CCBE1: variants seen among roughly 807,000 people sequenced by gnomAD.
The protein encoded by CCBE1 is collagen and calcium-binding EGF domain-containing protein 1.
CCBE1 carries 37 observed loss-of-function variants against 50.0 expected under a neutral mutation model. The observed-to-expected ratio is 0.74, with a 90% CI of 0.57 to 0.97. The LOEUF (loss-of-function observed/expected upper bound fraction) is 0.97. CCBE1 is among the 50% of genes least tolerant of loss of function. The pLI, the probability that CCBE1 is intolerant of heterozygous loss-of-function variation, is 0.00. For synonymous variants in CCBE1, 234 were observed against 203.7 expected, an observed-to-expected ratio of 1.15 and a Z score of -1.27; for missense variants, 538 against 523.8, an observed-to-expected ratio of 1.03 and a Z score of -0.26.
intron 7 of CCBE1, among the ~76,000 whole-genome samples, chr18:59,446,504 C>T (rs80142627): frequency 2.8e-4 from 42 of 152,286 alleles, no homozygotes; most frequent in Middle Eastern, 3.4e-3. Context: ...AGGGAATGAA[C>T]GAGGATAAGC....
At chr18:59,445,020 T>C (rs1051913970) in intron 7 of CCBE1, among the ~76,000 whole-genome samples, 1 of 152,204 alleles carries the variant, frequency 6.6e-6, no homozygotes, top group Non-Finnish European at 1.5e-5. Flanking sequence ...ATTGTTTGAT[T>C]TGAGACACAG....
intron 2 of CCBE1, among the ~76,000 whole-genome samples, chr18:59,621,797 A>G (rs371055942): frequency 5.9e-5 from 9 of 152,252 alleles, no homozygotes; most frequent in African/African-American, 2.2e-4. Flanking sequence ...CTTTCAGTCT[A>G]TTTTCTTTTA....
intron 1 of CCBE1, 102 bp from the exon 2 acceptor site, chr18:59,696,811 C>T: frequency 7.8e-7 from 1 of 1,281,454 alleles, no homozygotes; most frequent in Non-Finnish European, 1.1e-6. Context: ...CCAGGCTCCC[C>T]GTCCCGGCGC....
At chr18:59,496,855 A>G (rs560909125) in intron 2 of CCBE1, among the ~76,000 whole-genome samples, 1 of 152,296 alleles carries the variant, frequency 6.6e-6, no homozygotes, top group African/African-American at 2.4e-5. Flanking sequence ...AATTATTAAC[A>G]AGTATAAAAT....
chr18:59,668,044 T>C (rs2054379315), intron 2 of CCBE1, among the ~76,000 whole-genome samples: 1 of 152,006 alleles, frequency 6.6e-6, no homozygotes, highest in Non-Finnish European at 1.5e-5. Context: ...GGTTGATGGG[T>C]GCAGCAAACC....
intron 2 of CCBE1, among the ~76,000 whole-genome samples, chr18:59,621,432 C>T (rs773012964): frequency 9.9e-5 from 15 of 152,206 alleles, no homozygotes; most frequent in Non-Finnish European, 1.6e-4. Context: ...CTCACATCCA[C>T]CCAGTGGAGC....
intron 2 of CCBE1, among the ~76,000 whole-genome samples, chr18:59,507,354 A>G (rs1013257748): frequency 1.3e-5 from 2 of 152,222 alleles, no homozygotes; most frequent in African/African-American, 2.4e-5. Context: ...ATCCATGCCC[A>G]GAATAATGGC....
chr18:59,681,049 GAAA>G (rs34876275), intron 2 of CCBE1, among the ~76,000 whole-genome samples: 3 of 85,460 alleles, frequency 3.5e-5, no homozygotes, highest in Non-Finnish European at 5.0e-5. Flanking sequence ...ATTTGGCTGA[GAAA>G]AAAAAAAAAA....
intron 2 of CCBE1, among the ~76,000 whole-genome samples, chr18:59,557,392 C>T (rs1294890024): frequency 2.0e-5 from 3 of 152,100 alleles, no homozygotes; most frequent in Non-Finnish European, 4.4e-5. Context: ...AACTGATACA[C>T]ATACTGAGGC....
rs73961266 is a variant in CCBE1, at chr18:59,580,422, A to G, written c.213-100184T>C. ...TGTGCCCCCAAAATGTAGAAAACCA[A>G]ATTATGCTCTGACCACCTGGAGCAC... On this transcript the variant is annotated intron_variant, in intron 2 of 10. Transcript: ENST00000439986. 7.2e-3 allele frequency among the ~76,000 whole-genome samples: 1,089 copies of G among 152,242 alleles called. 15 individuals are homozygous for G. Among genetic ancestry groups the G allele is most frequent in the African/African-American group, 0.025 (1,037 of 41,532 alleles).
At chr18:59,485,665 C>A (rs559607744) in intron 2 of CCBE1, among the ~76,000 whole-genome samples, 3 of 151,716 alleles carry the variant, frequency 2.0e-5, no homozygotes, top group Non-Finnish European at 2.9e-5. Context: ...GGCTGGAATG[C>A]AGTGGCATGA....
intron 2 of CCBE1, among the ~76,000 whole-genome samples, chr18:59,567,950 T>C (rs866867431): frequency 6.6e-6 from 1 of 152,224 alleles, no homozygotes; most frequent in African/African-American, 2.4e-5. Flanking sequence ...TTTTCTTCAT[T>C]TGTTTTTGAA....
At chr18:59,583,478 A>G (rs1452285612) in intron 2 of CCBE1, among the ~76,000 whole-genome samples, 1 of 152,178 alleles carries the variant, frequency 6.6e-6, no homozygotes, top group Admixed American at 6.5e-5. Flanking sequence ...CCCAAGTGAG[A>G]AGCATAGCAA....
chr18:59,485,131 A>G (rs981997308), intron 2 of CCBE1, among the ~76,000 whole-genome samples: 6 of 152,242 alleles, frequency 3.9e-5, no homozygotes, highest in Non-Finnish European at 7.3e-5. Context: ...TTCCAAATAC[A>G]AATACTTTTC....
At chr18:59,466,689 A>AT in intron 5 of CCBE1, 50 bp downstream of exon 5, 1 of 1,332,086 alleles carries the variant, frequency 7.5e-7, no homozygotes, top group Non-Finnish European at 1.0e-6. Flanking sequence ...TTATATATAT[A>AT]ATATATAAAA....
chr18:59,454,887 G>A lies in CCBE1; in HGVS notation c.618C>T (p.Tyr206=), dbSNP rs1461463259. 11 of 1,614,062 alleles carry A rather than the reference G, an allele frequency of 6.8e-6. No individual in the cohort carries two copies. The African/African-American group carries it at 8.0e-5, about 12-fold the overall frequency. Residue 206 remains tyrosine, a synonymous_variant, in exon 6 of 11, where the codon TAC becomes TAT. Coordinates refer to ENST00000439986, the MANE Select transcript of CCBE1 (RefSeq NM_133459.4). ...GTCCATCKEF[Y]QMKQTVLQLK... Reference sequence around the variant, plus strand: ...GCTGCAGCACGGTCTGCTTCATCTGGTAGAACTCCTTGCATGTGGCACAGC... The same window carrying A: ...GCTGCAGCACGGTCTGCTTCATCTGATAGAACTCCTTGCATGTGGCACAGC...
At chr18:59,524,616 G>A (rs1914741865) in intron 2 of CCBE1, among the ~76,000 whole-genome samples, 1 of 152,098 alleles carries the variant, frequency 6.6e-6, no homozygotes, top group Non-Finnish European at 1.5e-5. Context: ...CTTTTTTAAA[G>A]TTCCAAGATA....
intron 2 of CCBE1, chr18:59,568,275 A>G (rs1298579759): frequency 6.6e-6 from 1 of 151,908 alleles, no homozygotes; most frequent in Non-Finnish European, 1.5e-5. Context: ...ACAATCCCTG[A>G]TTCTGCTTTA....
At chr18:59,547,325 G>A (rs1255926108) in intron 2 of CCBE1, among the ~76,000 whole-genome samples, 1 of 152,104 alleles carries the variant, frequency 6.6e-6, no homozygotes, top group African/African-American at 2.4e-5. Flanking sequence ...AGTTCGAGTT[G>A]ACCTTAGAGA....
Sources: gnomAD v4.1 joint callset for allele counts (sites outside exome capture counted in the v4.1 genomes callset) on GRCh38, gnomAD v4.1.1 for gene constraint, MANE v1.5 for transcripts, NCBI Gene and HGNC (gene_info 2026-07-23, HGNC 2026-07-21) for gene names.